SNX27: variants seen among roughly 807,000 people sequenced by gnomAD.
SNX27 encodes the protein sorting nexin 27.
SNX27 carries 22 observed loss-of-function variants against 71.6 expected under a neutral mutation model. The observed-to-expected ratio is 0.31, with a 90% CI of 0.22 to 0.44. SNX27 has a LOEUF of 0.44. Ranked by LOEUF, SNX27 falls within the 20% of genes least tolerant of loss-of-function variation. The pLI is 1.00. For missense variants in SNX27, 531 were observed against 698.6 expected, an observed-to-expected ratio of 0.76 and a Z score of 2.70; for synonymous variants, 269 against 277.2, an observed-to-expected ratio of 0.97 and a Z score of 0.29.
At chr1:151,693,378 T>C in intron 10 of SNX27, 46 bp from the exon 11 acceptor site, 1 of 1,576,104 alleles carries the variant, frequency 6.3e-7, no homozygotes, top group Non-Finnish European at 8.7e-7. Flanking sequence ...AGTCCTGAGA[T>C]GCCTGCTCTT....
Position 151,679,737 on chromosome 1 carries a change from G to A in SNX27, c.1150-3619G>A, listed in dbSNP as rs189350703. 102 of 152,256 alleles carry A rather than the reference G, an allele frequency of 6.7e-4. 1 individual carries two copies. The highest frequency in any genetic ancestry group is 2.4e-3 in the African/African-American group (98 of 41,538). The allele number at this position is 152,256 out of a possible 1,614,324, so 9.4% of individuals were successfully genotyped here. On this transcript the variant is annotated intron_variant, in intron 7 of 11. Coordinates refer to ENST00000458013, the MANE Select transcript of SNX27 (RefSeq NM_001330723.2). ...AGTATATAGCTTAGTTGTGAATAGTGTTTACATATTTATAATAATGCAGTT... is the reference window on the plus strand; with the variant it reads ...AGTATATAGCTTAGTTGTGAATAGTATTTACATATTTATAATAATGCAGTT...
At chr1:151,648,995 C>A (rs1282271548) in intron 2 of SNX27, among the ~76,000 whole-genome samples, 1 of 151,444 alleles carries the variant, frequency 6.6e-6, no homozygotes, top group Non-Finnish European at 1.5e-5. Context: ...CAGAGTCTTG[C>A]TCTGTTGCCC....
At position 151,681,404 on chromosome 1, in the gene SNX27, G is replaced by A. The variant is rs189197499; in HGVS notation, c.1150-1952G>A. Among the ~76,000 whole-genome samples the A allele has an allele frequency of 4.2e-3, 635 of 151,464 alleles. 30 individuals are homozygous for A. Among genetic ancestry groups the A allele is most frequent in the Admixed American group, 0.035 (533 of 15,200 alleles). ...CTACAGGCGCCTGCCACCTCTCCCC[G>A]GCTAATTTTTTGTATTTTTAGTAGA... On this transcript the variant is annotated intron_variant, in intron 7 of 11. Transcript: ENST00000458013.
At chr1:151,646,790 T>C (rs895704966) in intron 2 of SNX27, among the ~76,000 whole-genome samples, 2 of 151,762 alleles carry the variant, frequency 1.3e-5, no homozygotes, top group African/African-American at 2.4e-5. Context: ...TTTCTAACTT[T>C]ACCCCACTGT....
In SNX27 at chr1:151,665,921, G is replaced by T. The variant is rs1255169853; in HGVS notation, c.907-12G>T. ...AATTTTCTTGAAACCAATCTATCCT[G>T]TTTAACCTTAGGCTATCGCAGCAAA... On this transcript the variant is annotated splice_polypyrimidine_tract_variant and intron_variant, in intron 5 of 11. Coordinates refer to ENST00000458013, the MANE Select transcript of SNX27 (RefSeq NM_001330723.2). The T allele has an allele frequency of 6.3e-7, 1 of 1,593,916 alleles. No homozygotes were observed. The highest frequency in any genetic ancestry group is 1.7e-5 in the Admixed American group (1 of 58,556).
chr1:151,643,510 GT>G (rs1436394185), intron 2 of SNX27, among the ~76,000 whole-genome samples: 1 of 150,750 alleles, frequency 6.6e-6, no homozygotes, highest in Non-Finnish European at 1.5e-5. Flanking sequence ...GGCCAGGCTG[GT>G]CTTGAACTCC....
intron 2 of SNX27, among the ~76,000 whole-genome samples, chr1:151,652,343 C>T (rs1669448838): frequency 6.6e-6 from 1 of 150,838 alleles, no homozygotes; most frequent in African/African-American, 2.4e-5. Context: ...ATTTTTTCCT[C>T]AGCTGTGTCC....
intron 6 of SNX27, 81 bp from the exon 7 acceptor site, chr1:151,668,391 T>G: frequency 7.7e-7 from 1 of 1,295,330 alleles, no homozygotes; most frequent in Non-Finnish European, 1.1e-6. Flanking sequence ...ATACCATTCT[T>G]GATCTGCCTT....
chr1:151,693,766 C>A, intron 11 of SNX27: 1 of 1,500,234 alleles, frequency 6.7e-7, no homozygotes, highest in Non-Finnish European at 8.8e-7. Context: ...CCTCCTCTGC[C>A]AGTTTTTTAA....
intron 1 of SNX27, among the ~76,000 whole-genome samples, chr1:151,628,446 T>C (rs1201435940): frequency 1.3e-5 from 2 of 152,234 alleles, no homozygotes; most frequent in African/African-American, 4.8e-5. Flanking sequence ...AAAGCTGCCA[T>C]AAACATTTAT....
intron 6 of SNX27, among the ~76,000 whole-genome samples, chr1:151,667,826 C>CA (rs138979420): frequency 0.014 from 1,032 of 74,144 alleles, 16 homozygotes; most frequent in Non-Finnish European, 0.019. Context: ...GACTCCGTCT[C>CA]AAAAAAAAAA....
intron 2 of SNX27, among the ~76,000 whole-genome samples, chr1:151,651,151 G>A (rs1285722072): frequency 5.9e-5 from 9 of 151,698 alleles, no homozygotes; most frequent in Non-Finnish European, 1.2e-4. Context: ...CCGGGCAGAG[G>A]GGCTCCTCAC....
At chr1:151,660,735 GT>G in intron 3 of SNX27, 62 bp from the exon 4 acceptor site, 1 of 1,262,152 alleles carries the variant, frequency 7.9e-7, no homozygotes, top group South Asian at 1.2e-5. Flanking sequence ...ACTTTGATAC[GT>G]CTTTGACTTT....
At chr1:151,689,256 G>A (rs535687969) in intron 8 of SNX27, among the ~76,000 whole-genome samples, 2 of 152,316 alleles carry the variant, frequency 1.3e-5, no homozygotes, top group East Asian at 1.9e-4. Flanking sequence ...TACCTAAGAT[G>A]ACGTAGCTTC....
chr1:151,669,495 A>T (rs898854006), intron 7 of SNX27: 1 of 152,160 alleles, frequency 6.6e-6, no homozygotes, highest in Non-Finnish European at 1.5e-5. Context: ...AAAGACATTC[A>T]GTTCAGACCC....
intron 2 of SNX27, among the ~76,000 whole-genome samples, chr1:151,649,876 T>C (rs1194298038): frequency 6.6e-6 from 1 of 151,938 alleles, no homozygotes; most frequent in Non-Finnish European, 1.5e-5. Context: ...TGTCTAACTT[T>C]TATATTTTAT....
intron 1 of SNX27, among the ~76,000 whole-genome samples, chr1:151,623,234 A>G (rs1571761781): frequency 6.6e-6 from 1 of 152,026 alleles, no homozygotes; most frequent in African/African-American, 2.4e-5. Context: ...TCTGCCTCCC[A>G]GGTTCAAGTG....
intron 2 of SNX27, among the ~76,000 whole-genome samples, chr1:151,657,199 T>C (rs1214782777): frequency 1.3e-5 from 2 of 152,208 alleles, no homozygotes; most frequent in African/African-American, 4.8e-5. Flanking sequence ...TTTGAGACAG[T>C]GTGTCCTTCT....
chr1:151,649,021 G>A (rs570500840), intron 2 of SNX27, among the ~76,000 whole-genome samples: 3 of 151,630 alleles, frequency 2.0e-5, no homozygotes, highest in Non-Finnish European at 4.4e-5. Flanking sequence ...GGAGTTCAGT[G>A]GTACGATCTC....
Sources: gnomAD v4.1 joint callset for allele counts (sites outside exome capture counted in the v4.1 genomes callset) on GRCh38, gnomAD v4.1.1 for gene constraint, MANE v1.5 for transcripts, NCBI Gene and HGNC (gene_info 2026-07-23, HGNC 2026-07-21) for gene names.